FLYWCH2: variants seen among roughly 807,000 people sequenced by gnomAD.
FLYWCH2 encodes the protein FLYWCH family member 2.
A neutral mutation model predicts 6.0 loss-of-function variants in FLYWCH2; 2 were observed. The ratio of observed to expected loss-of-function variants is 0.33; its 90% confidence interval spans 0.14 to 1.04. FLYWCH2 has a LOEUF of 1.04. Among genes scored for constraint, FLYWCH2 ranks in the 50% least tolerant of loss-of-function variants. The pLI, the probability that FLYWCH2 is intolerant of heterozygous loss-of-function variation, is 0.45. For missense variants in FLYWCH2, 192 were observed against 183.4 expected, an observed-to-expected ratio of 1.05 and a Z score of -0.27; for synonymous variants, 87 against 79.3, an observed-to-expected ratio of 1.10 and a Z score of -0.52.
Position 2,899,030 on chromosome 16 carries a change from C to G in FLYWCH2, c.323-19C>G. ...CCATCTCCATTGACACCAGCCTGAT[C>G]CACCCTCTTCTCTCGCAGGCACAGA... On this transcript the variant is annotated intron_variant, in intron 3 of 3. Transcript: ENST00000396958. 1 of 1,601,414 alleles carries G rather than the reference C, an allele frequency of 6.2e-7. No individual in the cohort carries two copies. Among genetic ancestry groups the G allele is most frequent in the Non-Finnish European group, 8.5e-7 (1 of 1,172,632 alleles).
At chr16:2,894,097 A>G (rs1283737121) in intron 1 of FLYWCH2, among the ~76,000 whole-genome samples, 1 of 152,126 alleles carries the variant, frequency 6.6e-6, no homozygotes, top group Non-Finnish European at 1.5e-5. Flanking sequence ...CTTTTGCACT[A>G]ACCTAATATA....
chr16:2,896,867 C>T (rs1271046106), intron 3 of FLYWCH2, 96 bp downstream of exon 3: 19 of 1,185,642 alleles, frequency 1.6e-5, no homozygotes, highest in African/African-American at 7.7e-5. Context: ...CCCTGGCATG[C>T]GGGTCCTTGT....
chr16:2,885,334 CA>C (rs765751976), intron 1 of FLYWCH2, among the ~76,000 whole-genome samples: 6 of 40,112 alleles, frequency 1.5e-4, no homozygotes, highest in South Asian at 5.6e-4. Flanking sequence ...CAAAACAAAA[CA>C]AAAAAAAAAA....
intron 1 of FLYWCH2, among the ~76,000 whole-genome samples, chr16:2,894,676 C>T (rs920556991): frequency 1.9e-4 from 29 of 152,210 alleles, no homozygotes; most frequent in East Asian, 3.9e-4. Context: ...CGCCGCCTGG[C>T]GCATTTCTTC....
At position 2,886,423 on chromosome 16, in the gene FLYWCH2, A is replaced by G. The variant is rs142907623; in HGVS notation, c.-200+3057A>G. On this transcript the variant is annotated intron_variant, in intron 1 of 3. Transcript: ENST00000396958. ...GGGTTTCACTATGTTGTCTAGGCTGATCTCGAACTCCTGACCTCAGGTGAT... is the reference window on the plus strand; with the variant it reads ...GGGTTTCACTATGTTGTCTAGGCTGGTCTCGAACTCCTGACCTCAGGTGAT... Among the ~76,000 whole-genome samples, 1,345 of 144,364 alleles carry G rather than the reference A, an allele frequency of 9.3e-3. 22 individuals are homozygous for G. Among genetic ancestry groups the G allele is most frequent in the African/African-American group, 0.035 (1,254 of 35,484 alleles). 94.7% of individuals were successfully genotyped at this position (144,364 alleles called of 152,430 possible). A position where few individuals can be genotyped will look rare whatever the true frequency, so the allele number is the denominator to read the frequency against.
chr16:2,887,283 C>T (rs1415821577), intron 1 of FLYWCH2, among the ~76,000 whole-genome samples: 5 of 150,364 alleles, frequency 3.3e-5, no homozygotes, highest in Non-Finnish European at 7.4e-5. Flanking sequence ...GTAGCTGGGA[C>T]CACGGGTGCA....
At chr16:2,886,881 T>G (rs185485334) in intron 1 of FLYWCH2, among the ~76,000 whole-genome samples, 1 of 152,204 alleles carries the variant, frequency 6.6e-6, no homozygotes, top group African/African-American at 2.4e-5. Context: ...TAGTTCTTTA[T>G]AAATTCCAGA....
At chr16:2,884,830 C>T (rs1313039897) in intron 1 of FLYWCH2, among the ~76,000 whole-genome samples, 2 of 151,050 alleles carry the variant, frequency 1.3e-5, no homozygotes, top group South Asian at 2.1e-4. Flanking sequence ...CCCAAGGTCG[C>T]GCCACTGCAC....
intron 1 of FLYWCH2, among the ~76,000 whole-genome samples, chr16:2,894,040 A>G (rs2069789821): frequency 6.6e-6 from 1 of 152,070 alleles, no homozygotes; most frequent in South Asian, 2.1e-4. Flanking sequence ...GGTTGGTGAA[A>G]ATTAATTGCG....
intron 1 of FLYWCH2, among the ~76,000 whole-genome samples, chr16:2,886,320 G>C (rs572446323): frequency 1.3e-5 from 2 of 152,016 alleles, no homozygotes; most frequent in Admixed American, 1.3e-4. Flanking sequence ...AGCCTCCTGA[G>C]TAGCTGGGAT....
chr16:2,885,010 G>A (rs1007849628), intron 1 of FLYWCH2, among the ~76,000 whole-genome samples: 10 of 151,388 alleles, frequency 6.6e-5, no homozygotes, highest in Non-Finnish European at 1.3e-4. Context: ...TTCACATACC[G>A]TGCAATTTAC....
intron 1 of FLYWCH2, among the ~76,000 whole-genome samples, chr16:2,893,079 C>T (rs1420522872): frequency 6.6e-6 from 1 of 151,392 alleles, no homozygotes; most frequent in East Asian, 1.9e-4. Context: ...TTTCCATTCC[C>T]ACCCCACTCC....
intron 1 of FLYWCH2, among the ~76,000 whole-genome samples, chr16:2,890,502 C>A (rs538111669): frequency 2.0e-5 from 3 of 151,878 alleles, no homozygotes; most frequent in Non-Finnish European, 4.4e-5. Context: ...GCAATCTCCA[C>A]CTTCTGATTT....
chr16:2,892,495 C>CA (rs56253235), intron 1 of FLYWCH2, among the ~76,000 whole-genome samples: 20,282 of 143,730 alleles, frequency 0.14, 1,551 homozygotes, highest in African/African-American at 0.19. Context: ...GACTCCATCT[C>CA]AAAAAAAAAA....
At chr16:2,890,846 C>T (rs772774465) in intron 1 of FLYWCH2, among the ~76,000 whole-genome samples, 8 of 152,124 alleles carry the variant, frequency 5.3e-5, no homozygotes, top group African/African-American at 1.4e-4. Context: ...GAATTACAAA[C>T]GTCAGCCACC....
At chr16:2,891,244 T>A (rs1252730469) in intron 1 of FLYWCH2, among the ~76,000 whole-genome samples, 1 of 152,038 alleles carries the variant, frequency 6.6e-6, no homozygotes, top group Non-Finnish European at 1.5e-5. Flanking sequence ...GGTTGTTGGG[T>A]AGCAGTAATA....
At chr16:2,884,592 G>A (rs1381419535) in intron 1 of FLYWCH2, among the ~76,000 whole-genome samples, 1 of 67,290 alleles carries the variant, frequency 1.5e-5, no homozygotes, top group African/African-American at 5.0e-5. Context: ...AAAATTAGTC[G>A]GGGCCGGCGC....
chr16:2,886,944 G>C (rs1355575531), intron 1 of FLYWCH2, among the ~76,000 whole-genome samples: 1 of 151,910 alleles, frequency 6.6e-6, no homozygotes, highest in Non-Finnish European at 1.5e-5. Flanking sequence ...CCATTCTATG[G>C]GTTATCTCTT....
At chr16:2,894,222 G>C (rs2069791788) in intron 1 of FLYWCH2, among the ~76,000 whole-genome samples, 1 of 152,142 alleles carries the variant, frequency 6.6e-6, no homozygotes, top group African/African-American at 2.4e-5. Flanking sequence ...ACCAACTGCT[G>C]TATCTTGCAG....
Sources: gnomAD v4.1 joint callset for allele counts (sites outside exome capture counted in the v4.1 genomes callset) on GRCh38, gnomAD v4.1.1 for gene constraint, MANE v1.5 for transcripts, NCBI Gene and HGNC (gene_info 2026-07-23, HGNC 2026-07-21) for gene names.